The following IDE variants were observed in gnomAD, a reference collection of about 807,000 sequenced individuals.
The protein encoded by IDE is insulin-degrading enzyme.
Under a neutral mutation model 133.2 loss-of-function variants are expected in IDE, and 58 were observed. The observed-to-expected ratio is 0.44, with a 90% CI of 0.35 to 0.54. IDE has a LOEUF of 0.54. Among genes scored for constraint, IDE ranks in the 20% least tolerant of loss-of-function variants. The pLI, the probability that IDE is intolerant of heterozygous loss-of-function variation, is 0.00. For synonymous variants in IDE, 396 were observed against 421.3 expected, an observed-to-expected ratio of 0.94 and a Z score of 0.73; for missense variants, 981 against 1,234.0, an observed-to-expected ratio of 0.79 and a Z score of 3.07.
chr10:92,564,688 A>AAC (rs1843440093), intron 1 of IDE, among the ~76,000 whole-genome samples: 1 of 117,638 alleles, frequency 8.5e-6, no homozygotes, highest in Non-Finnish European at 1.8e-5. Flanking sequence ...AAAAAAAAAA[A>AAC]AAAAAAAAAA....
intron 9 of IDE, among the ~76,000 whole-genome samples, chr10:92,507,177 A>G (rs779767370): frequency 6.6e-6 from 1 of 152,204 alleles, no homozygotes; most frequent in Non-Finnish European, 1.5e-5. Flanking sequence ...AATCATACAT[A>G]AAGCAATTCA....
At chr10:92,497,799 T>C in intron 11 of IDE, 3 of 540,908 alleles carry the variant, frequency 5.5e-6, no homozygotes, top group Non-Finnish European at 7.1e-6. Flanking sequence ...AGAGGAAAAG[T>C]GCTTTCTCTT....
intron 1 of IDE, among the ~76,000 whole-genome samples, chr10:92,556,089 C>T (rs1012572988): frequency 1.4e-5 from 2 of 140,116 alleles, no homozygotes; most frequent in African/African-American, 5.3e-5. Context: ...AGGAGAATGG[C>T]GTGAACCCGG....
intron 22 of IDE, among the ~76,000 whole-genome samples, chr10:92,456,844 CAAAAAAAAAAAAAAAAAAA>C (rs57422406): frequency 1.5e-4 from 8 of 52,162 alleles, no homozygotes; most frequent in African/African-American, 1.9e-4. Context: ...GACTCTGTCT[CAAAAAAAAAAAAAAAAAAA>C]AAAAAAAAAA....
At chr10:92,478,806 CAAAA>C (rs1285847678) in intron 15 of IDE, 15 of 1,188,540 alleles carry the variant, frequency 1.3e-5, no homozygotes, top group Non-Finnish European at 1.3e-5. Context: ...AAAAGAAAAA[CAAAA>C]GAAATGCTTT....
intron 1 of IDE, among the ~76,000 whole-genome samples, chr10:92,568,305 G>A (rs1322348751): frequency 6.6e-6 from 1 of 151,910 alleles, no homozygotes; most frequent in Non-Finnish European, 1.5e-5. Flanking sequence ...ATGATACCAG[G>A]GCATACTTGC....
At chr10:92,519,587 C>T (rs945832129) in intron 4 of IDE, among the ~76,000 whole-genome samples, 1 of 152,120 alleles carries the variant, frequency 6.6e-6, no homozygotes, top group Admixed American at 6.5e-5. Context: ...TTGGAAAAGT[C>T]TCCAAATATC....
Position 92,532,281 on chromosome 10 carries a change from AAGAG to A in IDE, c.492-368_492-365del, listed in dbSNP as rs548978706. On this transcript the variant is annotated intron_variant, in intron 3 of 24. Transcript: ENST00000265986. ...GGCTAATGCTCCAAAAAAAAAAAAA[AAGAG>A]AAAGAAAGAAAAAGGCAGGTCATAG... Among the ~76,000 whole-genome samples the A allele has an allele frequency of 6.4e-3, 975 of 151,662 alleles. 8 individuals carry two copies. Among genetic ancestry groups the A allele is most frequent in the African/African-American group, 0.022 (924 of 41,360 alleles).
intron 12 of IDE, among the ~76,000 whole-genome samples, chr10:92,488,688 A>G (rs112219374): frequency 0.034 from 5,149 of 151,668 alleles, 136 homozygotes; most frequent in Admixed American, 0.058. Context: ...GAGGCAGGAG[A>G]ATCATGTGAA....
intron 4 of IDE, among the ~76,000 whole-genome samples, chr10:92,523,404 A>C (rs1461140810): frequency 2.6e-5 from 4 of 151,568 alleles, no homozygotes; most frequent in African/African-American, 9.7e-5. Context: ...AAAAGAAAGA[A>C]ATTTTCTTTC....
At chr10:92,455,425 G>A (rs896253975) in intron 24 of IDE, 151 bp downstream of exon 24, 5 of 596,560 alleles carry the variant, frequency 8.4e-6, no homozygotes, top group African/African-American at 3.7e-5. Flanking sequence ...GTAGTGAGCT[G>A]AGCTGAGATC....
chr10:92,533,357 G>A (rs1232465240), intron 3 of IDE, among the ~76,000 whole-genome samples: 1 of 152,106 alleles, frequency 6.6e-6, no homozygotes, highest in Admixed American at 6.5e-5. Flanking sequence ...GCTGCCTAAA[G>A]ACTGAAACAT....
At chr10:92,549,446 T>G (rs1250567882) in intron 1 of IDE, among the ~76,000 whole-genome samples, 1 of 152,118 alleles carries the variant, frequency 6.6e-6, no homozygotes, top group East Asian at 1.9e-4. Context: ...CATCTATGTA[T>G]CTACATATCT....
chr10:92,528,449 A>T lies in IDE; in HGVS notation c.661+3299T>A, dbSNP rs555092699. Among the ~76,000 whole-genome samples the T allele has an allele frequency of 6.5e-4, 98 of 150,886 alleles. No homozygotes were observed. The Middle Eastern group carries it at 0.037, about 58-fold the overall frequency. On this transcript the variant is annotated intron_variant, in intron 4 of 24. Coordinates refer to ENST00000265986, the MANE Select transcript of IDE (RefSeq NM_004969.4). ...AATGCATTTAAAGTATTAGCAGATC[A>T]GAGTTTCTCTAGAAAAAAAAAAAAA...
intron 15 of IDE, among the ~76,000 whole-genome samples, chr10:92,477,255 C>T (rs1466450663): frequency 6.6e-6 from 1 of 152,080 alleles, no homozygotes; most frequent in African/African-American, 2.4e-5. Flanking sequence ...CAGGCTCAAG[C>T]GATCCTCCCA....
chr10:92,545,372 C>A (rs1308474450), intron 1 of IDE, among the ~76,000 whole-genome samples: 1 of 152,186 alleles, frequency 6.6e-6, no homozygotes, highest in East Asian at 1.9e-4. Flanking sequence ...CTACTGACAA[C>A]TTCCACTTCT....
intron 1 of IDE, among the ~76,000 whole-genome samples, chr10:92,551,364 T>C (rs1211566274): frequency 6.6e-6 from 1 of 151,546 alleles, no homozygotes; most frequent in Non-Finnish European, 1.5e-5. Context: ...GGTCAAGAGA[T>C]CGAGACCATC....
chr10:92,562,334 T>C (rs1284336451), intron 1 of IDE, among the ~76,000 whole-genome samples: 1 of 152,208 alleles, frequency 6.6e-6, no homozygotes, highest in Non-Finnish European at 1.5e-5. Context: ...ACTATGCACC[T>C]GTAGAAGGCA....
intron 1 of IDE, among the ~76,000 whole-genome samples, chr10:92,552,913 CAAG>C (rs974771210): frequency 2.4e-5 from 3 of 127,218 alleles, no homozygotes; most frequent in African/African-American, 9.6e-5. Context: ...GTGATTGATT[CAAG>C]GGCTAGGGCA....
Sources: allele counts gnomAD v4.1 joint callset (sites outside exome capture counted in the v4.1 genomes callset), GRCh38; gene constraint gnomAD v4.1.1; transcripts MANE v1.5; gene names NCBI Gene and HGNC (gene_info 2026-07-23, HGNC 2026-07-21).